RBFOX1: variants seen among roughly 807,000 people sequenced by gnomAD.
RBFOX1 encodes RNA binding fox-1 homolog 1, also known as RNA binding protein fox-1 homolog 1.
RBFOX1 carries 8 observed loss-of-function variants against 57.7 expected under a neutral mutation model. That is an observed-to-expected ratio of 0.14 (90% CI 0.08 to 0.25). RBFOX1 has a LOEUF of 0.25. Among genes scored for constraint, RBFOX1 ranks in the 10% least tolerant of loss-of-function variants. The pLI, the probability that RBFOX1 is intolerant of heterozygous loss-of-function variation, is 1.00. For missense variants in RBFOX1, 611 were observed against 548.5 expected (o/e 1.11, Z -1.14); for synonymous variants, 326 against 222.4 (o/e 1.47, Z -4.15).
intron 2 of RBFOX1, among the ~76,000 whole-genome samples, chr16:5,525,290 CATTT>C (rs2044196747): frequency 6.6e-6 from 1 of 152,022 alleles, no homozygotes; most frequent in African/African-American, 2.4e-5. Flanking sequence ...TCACGCCTGA[CATTT>C]ATTTAGTGCT....
intron 2 of RBFOX1, among the ~76,000 whole-genome samples, chr16:6,338,799 G>A (rs1240039132): frequency 3.3e-5 from 5 of 152,164 alleles, no homozygotes; most frequent in South Asian, 2.1e-4. Context: ...TCAAAAGTAC[G>A]GAACAATTTG....
At chr16:7,246,913 C>T (rs1442860697) in intron 4 of RBFOX1, among the ~76,000 whole-genome samples, 1 of 152,128 alleles carries the variant, frequency 6.6e-6, no homozygotes. Context: ...CCTCCCTAAA[C>T]CTCAATTTTC....
At chr16:7,029,085 C>T (rs112340822) in intron 3 of RBFOX1, among the ~76,000 whole-genome samples, 6,167 of 14,836 alleles carry the variant, frequency 0.42, 945 homozygotes, top group Non-Finnish European at 0.46. Context: ...TATATATACA[C>T]ACACACACAC....
chr16:6,786,834 G>C (rs960915342), intron 3 of RBFOX1, among the ~76,000 whole-genome samples: 22 of 152,136 alleles, frequency 1.4e-4, no homozygotes, highest in Admixed American at 1.2e-3. Context: ...TAAAAGGGTA[G>C]GGAATTGATT....
rs182462460 is a variant in RBFOX1 at position 6,591,990 on chromosome 16, C to T, written c.-63-62613C>T. Among the ~76,000 whole-genome samples the T allele has an allele frequency of 5.9e-5, 9 of 152,186 alleles. No individual in the cohort carries two copies. In the East Asian group the frequency reaches 1.5e-3, roughly 26 times the overall value. On this transcript the variant is annotated intron_variant, in intron 2 of 15. Transcript: ENST00000550418. ...GTGTCTACTGTGGGCTGTATGACTTCCTAAGCATCCTATTATTTAATCATA... is the reference window on the plus strand; with the variant it reads ...GTGTCTACTGTGGGCTGTATGACTTTCTAAGCATCCTATTATTTAATCATA...
At chr16:5,566,863 G>A (rs1278667136) in intron 2 of RBFOX1, among the ~76,000 whole-genome samples, 2 of 152,108 alleles carry the variant, frequency 1.3e-5, no homozygotes, top group East Asian at 3.9e-4. Flanking sequence ...TAATCAAATA[G>A]CCCATAATAA....
At chr16:5,401,000 G>C (rs1419037166) in intron 1 of RBFOX1, among the ~76,000 whole-genome samples, 1 of 151,968 alleles carries the variant, frequency 6.6e-6, no homozygotes, top group Non-Finnish European at 1.5e-5. Flanking sequence ...CATAGTTAAG[G>C]CAGATATTTT....
At chr16:6,757,753 A>T (rs183960760) in intron 3 of RBFOX1, among the ~76,000 whole-genome samples, 1 of 152,160 alleles carries the variant, frequency 6.6e-6, no homozygotes, top group African/African-American at 2.4e-5. Flanking sequence ...TGATGGTTAA[A>T]AACAATTTAT....
In RBFOX1 at chr16:5,955,331, TAAAA is replaced by T. The variant is rs2059609039; in HGVS notation, c.351+87997_351+88000del. 1.1e-3 allele frequency among the ~76,000 whole-genome samples: 49 copies of T among 45,772 alleles called. 2 individuals are homozygous for T. Among genetic ancestry groups the T allele is most frequent in the Admixed American group, 1.6e-3 (6 of 3,746 alleles). The allele number at this position is 45,772 out of a possible 152,430, so 30.0% of individuals were successfully genotyped here. ...TAAAATAAAATAAAATAAAATAAAA[TAAAA>T]TAAAATAAAATAAAATAAATAAAAA... On this transcript the variant is annotated intron_variant, in intron 4 of 19. Transcript: ENST00000641259.
At chr16:6,800,472 G>A (rs1239567538) in intron 3 of RBFOX1, among the ~76,000 whole-genome samples, 1 of 152,108 alleles carries the variant, frequency 6.6e-6, no homozygotes, top group African/African-American at 2.4e-5. Flanking sequence ...AATAAGTCTC[G>A]GGTGGGGTCG....
At chr16:7,285,109 A>C (rs1485383869) in intron 4 of RBFOX1, among the ~76,000 whole-genome samples, 3 of 88,446 alleles carry the variant, frequency 3.4e-5, no homozygotes, top group East Asian at 2.9e-4. Flanking sequence ...TTTTTTTAGC[A>C]ACCTGTTCTT....
chr16:6,888,472 G>A (rs949137727), intron 3 of RBFOX1, among the ~76,000 whole-genome samples: 6 of 151,954 alleles, frequency 3.9e-5, no homozygotes, highest in African/African-American at 7.2e-5. Flanking sequence ...TTTCATTTTC[G>A]GTTCAGGGGG....
intron 4 of RBFOX1, among the ~76,000 whole-genome samples, chr16:7,418,303 CTGTT>C (rs1441871830): frequency 3.3e-5 from 5 of 152,214 alleles, no homozygotes; most frequent in Non-Finnish European, 7.3e-5. Flanking sequence ...TGCATGTTGT[CTGTT>C]TGAGTGGGGG....
chr16:6,935,382 C>T (rs2153483342), intron 3 of RBFOX1, among the ~76,000 whole-genome samples: 1 of 152,286 alleles, frequency 6.6e-6, no homozygotes, highest in East Asian at 1.9e-4. Flanking sequence ...ATGTAGCAGA[C>T]ACAATACCAT....
intron 1 of RBFOX1, among the ~76,000 whole-genome samples, chr16:5,252,816 G>A (rs1234862567): frequency 6.6e-6 from 1 of 152,206 alleles, no homozygotes; most frequent in African/African-American, 2.4e-5. Flanking sequence ...CAGATGAAAC[G>A]GAAGCCCTCA....
intron 5 of RBFOX1, among the ~76,000 whole-genome samples, chr16:7,539,452 C>T (rs868747169): frequency 1.2e-4 from 18 of 152,116 alleles, no homozygotes; most frequent in African/African-American, 2.7e-4. Context: ...AGGTGGAACA[C>T]GGGATAATAT....
At chr16:6,607,750 T>C (rs970526520) in intron 2 of RBFOX1, among the ~76,000 whole-genome samples, 1 of 152,186 alleles carries the variant, frequency 6.6e-6, no homozygotes, top group African/African-American at 2.4e-5. Context: ...CCCTGCTGTA[T>C]ATGGTTCCAA....
intron 2 of RBFOX1, among the ~76,000 whole-genome samples, chr16:6,339,459 G>A (rs1361311621): frequency 6.6e-6 from 1 of 152,144 alleles, no homozygotes. Context: ...CTGAGGGCTA[G>A]GGTTCTTGGA....
chr16:5,928,927 C>T (rs2058990814), intron 4 of RBFOX1, among the ~76,000 whole-genome samples: 1 of 151,496 alleles, frequency 6.6e-6, no homozygotes, highest in Non-Finnish European at 1.5e-5. Flanking sequence ...AAACAGAGCT[C>T]GCAATGTGGC....
Sources: allele counts gnomAD v4.1 joint callset (sites outside exome capture counted in the v4.1 genomes callset), GRCh38; gene constraint gnomAD v4.1.1; transcripts MANE v1.5; gene names NCBI Gene and HGNC (gene_info 2026-07-23, HGNC 2026-07-21).